Variants in THUMPD2 observed in about 807,000 individuals in gnomAD.
THUMPD2 encodes the protein THUMP domain 2 tRNA and snRNA guanosine methyltransferase, also known as U6 snRNA (guanine-N(2))-methyltransferase THUMPD2.
A neutral mutation model predicts 49.4 loss-of-function variants in THUMPD2; 56 were observed. The observed-to-expected ratio is 1.13, with a 90% CI of 0.91 to 1.41. THUMPD2 has a LOEUF of 1.41. Among genes scored for constraint, THUMPD2 ranks in the 40% most tolerant of loss-of-function variants. THUMPD2 has a pLI of 0.00. For synonymous variants in THUMPD2, 237 were observed against 205.2 expected, an observed-to-expected ratio of 1.15 and a Z score of -1.32; for missense variants, 709 against 594.5, an observed-to-expected ratio of 1.19 and a Z score of -2.00.
intron 6 of THUMPD2, 138 bp downstream of exon 6, chr2:39,761,193 G>T: frequency 1.4e-6 from 1 of 705,552 alleles, no homozygotes. Context: ...TAAGTACAAT[G>T]GCAAAAAGAA....
rs751722095 is a variant in THUMPD2 at position 39,769,937 on chromosome 2, T to C, written c.445A>G (p.Ile149Val). The C allele has an allele frequency of 7.6e-6, 12 of 1,578,218 alleles. No individual in the cohort carries two copies. In the East Asian group the frequency reaches 2.0e-4, roughly 27 times the overall value. Residue 149 changes from isoleucine to valine, a missense_variant, in exon 3 of 10, where the codon ATA becomes GTA. Ile to Val is a conservative substitution (Grantham distance 29). Transcript: ENST00000505747. ...ENEIIAKKLK[I>V]EQMQKIEENR... The stretch of plus-strand genomic sequence containing the variant: ...TCTTCTATCTTTTGCATTTGTTCTA[T>C]TTTTAATTTCTTTGCAATGATTTCA...
Position 39,761,464 on chromosome 2 carries a change from C to G in THUMPD2, c.804-46G>C. The G allele has an allele frequency of 4.5e-6, 7 of 1,543,202 alleles. No homozygotes were observed. The Admixed American group carries it at 5.1e-5, about 11-fold the overall frequency. ...TTATATATTATTACACATTGAACAACAAGATATAAAAATGATTTACCTGTC... is the reference window on the plus strand; with the variant it reads ...TTATATATTATTACACATTGAACAAGAAGATATAAAAATGATTTACCTGTC... On this transcript the variant is annotated intron_variant, in intron 5 of 9. Coordinates refer to ENST00000505747, the MANE Select transcript of THUMPD2 (RefSeq NM_025264.5).
intron 1 of THUMPD2, among the ~76,000 whole-genome samples, chr2:39,773,193 TGAA>T (rs1360618295): frequency 6.6e-6 from 1 of 152,184 alleles, no homozygotes; most frequent in Non-Finnish European, 1.5e-5. Context: ...CTTAGAAACT[TGAA>T]AACAAAGTTT....
At position 39,774,066 on chromosome 2, in the gene THUMPD2, G is replaced by T. The variant is rs558184194; in HGVS notation, c.127-2426C>A. On this transcript the variant is annotated intron_variant, in intron 1 of 9. Coordinates refer to ENST00000505747, the MANE Select transcript of THUMPD2 (RefSeq NM_025264.5). ...TGACATCCCAGAGTGTGCCTGTTAG[G>T]TAACTGGTATGTTTACGTGGTCCCA... 1.8e-4 allele frequency among the ~76,000 whole-genome samples: 28 copies of T among 152,282 alleles called. No homozygotes were observed. The South Asian group carries it at 5.4e-3, about 29-fold the overall frequency.
At chr2:39,774,408 C>T (rs1678794758) in intron 1 of THUMPD2, among the ~76,000 whole-genome samples, 1 of 152,142 alleles carries the variant, frequency 6.6e-6, no homozygotes, top group Non-Finnish European at 1.5e-5. Flanking sequence ...GCTATAGGAA[C>T]TCTTGTTTAT....
chr2:39,770,182 C>T (rs1678122201), intron 2 of THUMPD2, 63 bp from the exon 3 acceptor site: 4 of 1,139,962 alleles, frequency 3.5e-6, no homozygotes, highest in Admixed American at 3.5e-5. Flanking sequence ...TTACAATCAT[C>T]ACCCTCAAAC....
intron 5 of THUMPD2, among the ~76,000 whole-genome samples, chr2:39,765,686 GAAT>G (rs1358353537): frequency 6.6e-6 from 1 of 151,672 alleles, no homozygotes; most frequent in Non-Finnish European, 1.5e-5. Context: ...AATTGTCAAA[GAAT>G]TTAAAAAAAC....
At chr2:39,761,563 T>G (rs3732122) in intron 5 of THUMPD2, 145 bp from the exon 6 acceptor site, 13 of 714,646 alleles carry the variant, frequency 1.8e-5, no homozygotes, top group Middle Eastern at 4.1e-4. Context: ...AATGTTTCAG[T>G]CTTATTACAA....
In THUMPD2 at chr2:39,767,603, C is replaced by CA. The variant is rs57906396; in HGVS notation, c.750+820dup. Among the ~76,000 whole-genome samples the CA allele has an allele frequency of 7.3e-3, 493 of 67,452 alleles. 23 individuals carry two copies. Among genetic ancestry groups the CA allele is most frequent in the African/African-American group, 0.024 (309 of 12,916 alleles). 44.3% of individuals were successfully genotyped at this position (67,452 alleles called of 152,430 possible). ...TGGGCGACAGAGCGAGACTCCGTCT[C>CA]AAAAAAAAAAAAAAAAAAAGAATTG... On this transcript the variant is annotated intron_variant, in intron 4 of 9. Transcript: ENST00000505747.
At chr2:39,749,736 T>C (rs1052115018) in intron 8 of THUMPD2, among the ~76,000 whole-genome samples, 25 of 152,168 alleles carry the variant, frequency 1.6e-4, no homozygotes, top group African/African-American at 6.0e-4. Context: ...TTAGCTATTC[T>C]TCCTAATGCT....
At chr2:39,765,079 T>C (rs1677326886) in intron 5 of THUMPD2, among the ~76,000 whole-genome samples, 1 of 152,174 alleles carries the variant, frequency 6.6e-6, no homozygotes, top group Non-Finnish European at 1.5e-5. Context: ...ATATAATAAT[T>C]TAAAAATGAG....
chr2:39,778,489 C>G (rs937366078), intron 1 of THUMPD2, among the ~76,000 whole-genome samples: 6 of 152,192 alleles, frequency 3.9e-5, no homozygotes, highest in African/African-American at 1.4e-4. Flanking sequence ...CATCAAGATA[C>G]CTTTTCTATT....
At chr2:39,775,262 G>C (rs1382507352) in intron 1 of THUMPD2, among the ~76,000 whole-genome samples, 1 of 152,264 alleles carries the variant, frequency 6.6e-6, no homozygotes, top group East Asian at 1.9e-4. Flanking sequence ...CTGAGTGACA[G>C]AGCCTGATCC....
intron 4 of THUMPD2, among the ~76,000 whole-genome samples, chr2:39,766,430 G>A (rs564272852): frequency 2.0e-5 from 3 of 152,168 alleles, no homozygotes; most frequent in South Asian, 2.1e-4. Context: ...TCAGTATTTT[G>A]CGTTGAGAAG....
At chr2:39,764,600 G>C (rs1558524830) in intron 5 of THUMPD2, among the ~76,000 whole-genome samples, 1 of 152,136 alleles carries the variant, frequency 6.6e-6, no homozygotes, top group Non-Finnish European at 1.5e-5. Context: ...TTAACTTCAT[G>C]GTGCTCTCTA....
intron 8 of THUMPD2, among the ~76,000 whole-genome samples, chr2:39,748,901 G>C (rs1026576316): frequency 1.3e-5 from 2 of 151,830 alleles, no homozygotes; most frequent in African/African-American, 2.4e-5. Context: ...AGGACTGCTT[G>C]AGCCCAGGAG....
chr2:39,756,434 C>T (rs1199374500), intron 6 of THUMPD2, among the ~76,000 whole-genome samples: 1 of 150,606 alleles, frequency 6.6e-6, no homozygotes, highest in Non-Finnish European at 1.5e-5. Context: ...GATCGCGCCC[C>T]TGCACTCCAG....
chr2:39,745,193 G>C (rs960680957), intron 8 of THUMPD2, among the ~76,000 whole-genome samples: 6 of 152,094 alleles, frequency 3.9e-5, no homozygotes, highest in African/African-American at 1.2e-4. Context: ...TCATAAGACA[G>C]ATGTCCCAAT....
At position 39,771,455 on chromosome 2, in the gene THUMPD2, G is replaced by C. The variant is rs193030137; in HGVS notation, c.262+50C>G. Reference sequence around the variant, plus strand: ...ATATTATCAAGCAGAAAATGTTGGAGTACAATGTATCATGTGGGTAAAAGC... The same window carrying C: ...ATATTATCAAGCAGAAAATGTTGGACTACAATGTATCATGTGGGTAAAAGC... On this transcript the variant is annotated intron_variant, in intron 2 of 9. Coordinates refer to ENST00000505747, the MANE Select transcript of THUMPD2 (RefSeq NM_025264.5). 1.5e-4 allele frequency: 232 copies of C among 1,532,042 alleles called. No individual in the cohort carries two copies. In the African/African-American group the frequency reaches 2.9e-3, roughly 19 times the overall value. The allele number at this position is 1,532,042 out of a possible 1,614,324, so 94.9% of individuals were successfully genotyped here.
Sources: allele counts gnomAD v4.1 joint callset (sites outside exome capture counted in the v4.1 genomes callset), GRCh38; gene constraint gnomAD v4.1.1; transcripts MANE v1.5; gene names NCBI Gene and HGNC (gene_info 2026-07-23, HGNC 2026-07-21).